Variants in MAN2A1 observed in about 807,000 individuals in gnomAD.
MAN2A1 encodes mannosidase alpha class 2A member 1.
In MAN2A1, 76 loss-of-function variants were observed where a neutral mutation model predicts 142.6. That is an observed-to-expected ratio of 0.53 (90% confidence interval 0.44 to 0.65). The LOEUF (loss-of-function observed/expected upper bound fraction) is 0.65, where lower values mean the gene tolerates loss of function less well. MAN2A1 is among the 30% of genes least tolerant of loss of function. MAN2A1 has a pLI of 0.00. For synonymous variants in MAN2A1, 559 were observed against 473.2 expected (o/e 1.18, Z -2.35); for missense variants, 1,311 against 1,365.1 (o/e 0.96, Z 0.62).
Position 109,868,480 on chromosome 5 carries a change from T to C in MAN2A1, c.*1482T>C, listed in dbSNP as rs192775822. ...TCTCTTTGAGATAATTGATTTCATA[T>C]TCTGTGGCTTTCAACCTCCATTTAC... is the stretch of plus-strand genomic sequence containing the variant. On this transcript the variant is annotated 3_prime_UTR_variant, in exon 22 of 22. Coordinates refer to ENST00000261483, the MANE Select transcript of MAN2A1 (RefSeq NM_002372.4). The C allele has an allele frequency of 1.6e-3, 249 of 152,340 alleles. No individual in the cohort carries two copies. The highest frequency in any genetic ancestry group is 5.9e-3 in the African/African-American group (245 of 41,576). The allele number at this position is 152,340 out of a possible 1,614,324, so 9.4% of individuals were successfully genotyped here.
intron 16 of MAN2A1, among the ~76,000 whole-genome samples, chr5:109,826,271 C>T (rs1258434622): frequency 2.0e-5 from 3 of 151,844 alleles, no homozygotes; most frequent in Admixed American, 1.3e-4. Context: ...TGTTCTCGGG[C>T]ATATGAAAAA....
chr5:109,801,151 A>T (rs1308922217), intron 12 of MAN2A1, among the ~76,000 whole-genome samples: 1 of 152,334 alleles, frequency 6.6e-6, no homozygotes, highest in East Asian at 1.9e-4. Flanking sequence ...GTTTCAAGGC[A>T]GGTAGTTAGG....
chr5:109,714,756 A>G (rs1751405728), intron 2 of MAN2A1, among the ~76,000 whole-genome samples: 1 of 152,216 alleles, frequency 6.6e-6, no homozygotes, highest in South Asian at 2.1e-4. Context: ...AGGGCAGAGA[A>G]CATGATATGA....
At chr5:109,747,865 C>T (rs1244109208) in intron 4 of MAN2A1, among the ~76,000 whole-genome samples, 3 of 152,086 alleles carry the variant, frequency 2.0e-5, no homozygotes, top group African/African-American at 4.8e-5. Flanking sequence ...ACTACTGTAC[C>T]ATTTTACATC....
intron 20 of MAN2A1, among the ~76,000 whole-genome samples, chr5:109,855,834 A>G (rs1478823724): frequency 1.3e-5 from 2 of 152,260 alleles, no homozygotes; most frequent in Non-Finnish European, 2.9e-5. Flanking sequence ...GTTAGACTGC[A>G]GTTATATACA....
intron 4 of MAN2A1, among the ~76,000 whole-genome samples, chr5:109,744,579 A>G (rs533399769): frequency 6.6e-6 from 1 of 152,236 alleles, no homozygotes. Flanking sequence ...ACTGTTTCCA[A>G]CCCTTTTAGA....
At chr5:109,838,715 A>T (rs1318260247) in intron 16 of MAN2A1, among the ~76,000 whole-genome samples, 2 of 152,202 alleles carry the variant, frequency 1.3e-5, no homozygotes, top group Non-Finnish European at 1.5e-5. Context: ...GTTCATAATA[A>T]GCATATTAAG....
intron 12 of MAN2A1, among the ~76,000 whole-genome samples, chr5:109,816,725 C>T (rs1333580647): frequency 5.3e-5 from 8 of 152,054 alleles, no homozygotes; most frequent in Admixed American, 2.0e-4. Flanking sequence ...TTGTATGGAG[C>T]TCATTCTTTT....
chr5:109,780,427 C>G (rs1219173683), intron 8 of MAN2A1, among the ~76,000 whole-genome samples: 1 of 151,848 alleles, frequency 6.6e-6, no homozygotes, highest in African/African-American at 2.4e-5. Context: ...ATGTAATATG[C>G]TCAAAACACA....
chr5:109,847,614 A>C, intron 18 of MAN2A1, 43 bp from the exon 19 acceptor site: 1 of 1,429,956 alleles, frequency 7.0e-7, no homozygotes. Context: ...TCAGTATTAA[A>C]TTATTCTGGT....
intron 5 of MAN2A1, among the ~76,000 whole-genome samples, chr5:109,762,732 C>T (rs990191077): frequency 4.6e-5 from 7 of 152,158 alleles, no homozygotes; most frequent in African/African-American, 1.7e-4. Flanking sequence ...AGGTATCTCA[C>T]TACTTCACTC....
chr5:109,799,925 A>C (rs889240780), intron 12 of MAN2A1, among the ~76,000 whole-genome samples: 1 of 151,846 alleles, frequency 6.6e-6, no homozygotes, highest in Non-Finnish European at 1.5e-5. Flanking sequence ...CTACCTCTAC[A>C]GAAAATACAA....
At chr5:109,794,319 C>T (rs76875770) in intron 12 of MAN2A1, 2,839 of 152,116 alleles carry the variant, frequency 0.019, 35 homozygotes, top group Middle Eastern at 0.071. Context: ...GTGTTAGCTG[C>T]GATAATTAGT....
chr5:109,722,142 T>C (rs1277572255), intron 3 of MAN2A1, among the ~76,000 whole-genome samples: 2 of 152,156 alleles, frequency 1.3e-5, no homozygotes, highest in African/African-American at 4.8e-5. Flanking sequence ...GCTGAGCATA[T>C]AGGAGGGAAG....
intron 16 of MAN2A1, among the ~76,000 whole-genome samples, chr5:109,829,984 C>A (rs563464157): frequency 6.6e-6 from 1 of 152,174 alleles, no homozygotes; most frequent in Non-Finnish European, 1.5e-5. Context: ...AGTGATTTCA[C>A]CATACTTCCA....
intron 4 of MAN2A1, among the ~76,000 whole-genome samples, chr5:109,730,318 T>C (rs1751867749): frequency 6.6e-6 from 1 of 152,166 alleles, no homozygotes; most frequent in Non-Finnish European, 1.5e-5. Context: ...TACTGATTTG[T>C]AGGAGTATTT....
At chr5:109,834,667 T>G (rs1755014776) in intron 16 of MAN2A1, among the ~76,000 whole-genome samples, 1 of 152,194 alleles carries the variant, frequency 6.6e-6, no homozygotes, top group Non-Finnish European at 1.5e-5. Flanking sequence ...TATTGGTAAG[T>G]AATAGTAGCT....
At chr5:109,744,019 A>G (rs920904742) in intron 4 of MAN2A1, among the ~76,000 whole-genome samples, 2 of 152,080 alleles carry the variant, frequency 1.3e-5, no homozygotes, top group South Asian at 4.1e-4. Flanking sequence ...GCCTGTGTTC[A>G]GCTTGGATTT....
chr5:109,806,813 C>G (rs1234254464), intron 12 of MAN2A1, among the ~76,000 whole-genome samples: 1 of 152,176 alleles, frequency 6.6e-6, no homozygotes, highest in African/African-American at 2.4e-5. Context: ...ATGCAGCATG[C>G]TTGTTTACCT....
Sources: gnomAD v4.1 joint callset for allele counts (sites outside exome capture counted in the v4.1 genomes callset) on GRCh38, gnomAD v4.1.1 for gene constraint, MANE v1.5 for transcripts, NCBI Gene and HGNC (gene_info 2026-07-23, HGNC 2026-07-21) for gene names.